Variants in CNTN4 observed in about 807,000 individuals in gnomAD.
CNTN4 encodes contactin-4.
A neutral mutation model predicts 122.5 loss-of-function variants in CNTN4; 77 were observed. The ratio of observed to expected loss-of-function variants is 0.63; its 90% CI spans 0.52 to 0.76. The LOEUF is 0.76. Among genes scored for constraint, CNTN4 ranks in the 30% least tolerant of loss-of-function variants. The probability of loss-of-function intolerance (pLI) is 0.00; values close to 1 mark genes in which losing one functional copy is unlikely to be tolerated. For synonymous variants in CNTN4, 512 were observed against 447.0 expected (o/e 1.15, Z -1.83); for missense variants, 1,256 against 1,259.1 (o/e 1.00, Z 0.04).
intron 2 of CNTN4, among the ~76,000 whole-genome samples, chr3:2,173,653 A>G (rs2149253626): frequency 6.6e-6 from 1 of 152,156 alleles, no homozygotes; most frequent in Non-Finnish European, 1.5e-5. Context: ...AATCTTTCGG[A>G]TGTTCGAAGG....
intron 3 of CNTN4, among the ~76,000 whole-genome samples, chr3:2,493,509 C>T (rs962527075): frequency 5.3e-5 from 8 of 149,976 alleles, no homozygotes; most frequent in African/African-American, 1.7e-4. Flanking sequence ...GGTGTCTTCT[C>T]ATGAACTAGA....
In CNTN4 at chr3:2,783,190, G is replaced by C. The variant is rs148316082; in HGVS notation, c.359-36296G>C. 4.3e-4 allele frequency among the ~76,000 whole-genome samples: 66 copies of C among 152,132 alleles called. No homozygotes were observed. The East Asian group carries it at 0.012, about 28-fold the overall frequency. On this transcript the variant is annotated intron_variant, in intron 6 of 24. Transcript: ENST00000418658. ...TGTAGTCCTAGCTACTCAGGAAGCT[G>C]AGGTGGGAGGATCACTTGAGCCCAG...
intron 3 of CNTN4, among the ~76,000 whole-genome samples, chr3:2,481,698 T>TG (rs922740560): frequency 1.6e-4 from 24 of 151,986 alleles, no homozygotes; most frequent in African/African-American, 5.1e-4. Flanking sequence ...CTATGTGTTG[T>TG]GGGGGGGACC....
chr3:2,181,796 A>G (rs2037027254), intron 2 of CNTN4, among the ~76,000 whole-genome samples: 1 of 152,144 alleles, frequency 6.6e-6, no homozygotes, highest in African/African-American at 2.4e-5. Flanking sequence ...AGTAGGGGCT[A>G]ATGAAAATAA....
chr3:3,037,948 A>C (rs1052655586), intron 18 of CNTN4, among the ~76,000 whole-genome samples: 2 of 152,184 alleles, frequency 1.3e-5, no homozygotes, highest in African/African-American at 4.8e-5. Flanking sequence ...ACTTTTACTT[A>C]GCTGGTGTAA....
chr3:2,158,893 C>G (rs754235645), intron 2 of CNTN4, among the ~76,000 whole-genome samples: 2 of 152,106 alleles, frequency 1.3e-5, no homozygotes, highest in Non-Finnish European at 2.9e-5. Context: ...ATGTTGGCAA[C>G]AAATACAACA....
chr3:2,694,671 G>A (rs1038116333), intron 4 of CNTN4, among the ~76,000 whole-genome samples: 1 of 152,198 alleles, frequency 6.6e-6, no homozygotes, highest in Admixed American at 6.5e-5. Flanking sequence ...AGAGGTTGCA[G>A]TGAGCTAAGG....
At chr3:2,755,790 C>T (rs542928243) in intron 6 of CNTN4, among the ~76,000 whole-genome samples, 36 of 151,918 alleles carry the variant, frequency 2.4e-4, no homozygotes, top group Non-Finnish European at 4.1e-4. Context: ...TGAAAATTGG[C>T]GAATGAAACC....
chr3:2,854,832 C>G (rs2093601087), intron 7 of CNTN4, among the ~76,000 whole-genome samples: 1 of 152,110 alleles, frequency 6.6e-6, no homozygotes, highest in Non-Finnish European at 1.5e-5. Flanking sequence ...TTCCACCATT[C>G]AACATTTTTT....
chr3:2,574,017 G>A (rs1416664667), intron 4 of CNTN4, among the ~76,000 whole-genome samples: 1 of 152,090 alleles, frequency 6.6e-6, no homozygotes, highest in African/African-American at 2.4e-5. Context: ...AGGAGTTAGA[G>A]ACCAGCCTGA....
intron 6 of CNTN4, among the ~76,000 whole-genome samples, chr3:2,814,637 T>C (rs567100877): frequency 1.4e-3 from 214 of 152,362 alleles, no homozygotes; most frequent in Admixed American, 2.5e-3. Flanking sequence ...CGTTTTTGTG[T>C]CCTGGCATGG....
intron 13 of CNTN4, among the ~76,000 whole-genome samples, chr3:2,975,822 G>A (rs1693366447): frequency 6.6e-6 from 1 of 152,046 alleles, no homozygotes; most frequent in African/African-American, 2.4e-5. Flanking sequence ...GTATATGGAA[G>A]TATAGAAAAT....
At chr3:2,950,779 A>G (rs1214494041) in intron 13 of CNTN4, among the ~76,000 whole-genome samples, 1 of 152,234 alleles carries the variant, frequency 6.6e-6, no homozygotes, top group Non-Finnish European at 1.5e-5. Flanking sequence ...ATCCCAAGAT[A>G]ATCTAATCTC....
chr3:2,501,490 C>G (rs1255461615), intron 3 of CNTN4, among the ~76,000 whole-genome samples: 1 of 152,116 alleles, frequency 6.6e-6, no homozygotes. Context: ...TCAGGAGGTT[C>G]TAGGGGAAAA....
At chr3:2,627,644 C>T (rs1196632709) in intron 4 of CNTN4, among the ~76,000 whole-genome samples, 3 of 152,098 alleles carry the variant, frequency 2.0e-5, no homozygotes, top group Admixed American at 6.5e-5. Flanking sequence ...CAGGTGCCCG[C>T]CACCACGCCT....
intron 3 of CNTN4, among the ~76,000 whole-genome samples, chr3:2,468,316 G>A (rs969766508): frequency 3.9e-5 from 6 of 152,106 alleles, no homozygotes; most frequent in East Asian, 3.9e-4. Context: ...ATGAAATTGC[G>A]TGTTCCATGT....
intron 14 of CNTN4, among the ~76,000 whole-genome samples, chr3:3,019,765 A>AT (rs1698112316): frequency 7.2e-6 from 1 of 138,038 alleles, no homozygotes; most frequent in Non-Finnish European, 1.5e-5. Flanking sequence ...TGTGTACACA[A>AT]ATATATATAT....
intron 6 of CNTN4, among the ~76,000 whole-genome samples, chr3:2,807,086 T>C (rs2092485351): frequency 6.6e-6 from 1 of 152,160 alleles, no homozygotes; most frequent in Admixed American, 6.5e-5. Context: ...ATATCCCCAG[T>C]GTCTAAAACA....
At chr3:2,840,115 TC>T (rs2093321854) in intron 7 of CNTN4, among the ~76,000 whole-genome samples, 1 of 152,000 alleles carries the variant, frequency 6.6e-6, no homozygotes, top group African/African-American at 2.4e-5. Context: ...CCCAATAACT[TC>T]TCAACAGATG....
Sources: allele counts gnomAD v4.1 joint callset (sites outside exome capture counted in the v4.1 genomes callset), GRCh38; gene constraint gnomAD v4.1.1; transcripts MANE v1.5; gene names NCBI Gene and HGNC (gene_info 2026-07-23, HGNC 2026-07-21).